CLIC1: variants seen among roughly 807,000 people sequenced by gnomAD.
The protein encoded by CLIC1 is chloride intracellular channel protein 1.
A neutral mutation model predicts 26.4 loss-of-function variants in CLIC1; 16 were observed. The observed-to-expected ratio is 0.61, with a 90% CI of 0.41 to 0.92. The LOEUF (loss-of-function observed/expected upper bound fraction) is 0.92. Ranked by LOEUF, CLIC1 falls within the 40% of genes least tolerant of loss-of-function variation. CLIC1 has a pLI of 0.00. For missense variants in CLIC1, 225 were observed against 289.7 expected (o/e 0.78, Z 1.62); for synonymous variants, 98 against 120.8 (o/e 0.81, Z 1.24).
At chr6:31,735,579 C>T (rs766316499) in intron 1 of CLIC1, among the ~76,000 whole-genome samples, 4 of 152,056 alleles carry the variant, frequency 2.6e-5, no homozygotes, top group Non-Finnish European at 4.4e-5. Context: ...CTCTCTCCCA[C>T]CCATCCTTGT....
chr6:31,731,796 G>A (rs17201046), intron 5 of CLIC1, among the ~76,000 whole-genome samples: 4,115 of 152,272 alleles, frequency 0.027, 155 homozygotes, highest in Non-Finnish European at 0.028. Flanking sequence ...ATAGCTTTGA[G>A]ACTATGACAA....
chr6:31,732,946 ACC>A lies in CLIC1; in HGVS notation c.383-550_383-549del, dbSNP rs1405040198. Among the ~76,000 whole-genome samples, 11 of 151,500 alleles carry A rather than the reference ACC, an allele frequency of 7.3e-5. No homozygotes were observed. The highest frequency in any genetic ancestry group is 2.7e-4 in the African/African-American group (11 of 41,332). On this transcript the variant is annotated intron_variant, in intron 4 of 5. Coordinates refer to ENST00000375784, the Ensembl canonical transcript of CLIC1. This position sits in a 1 kb window ranked among gnomAD's most constrained non-coding sequence, Gnocchi z 5.0. ...AGACCAGCCTGGCCAACATGGTGAA[ACC>A]CTGTCTCTACTAAAAATACAAAAAT...
intron 5 of CLIC1, among the ~76,000 whole-genome samples, chr6:31,731,939 G>C (rs1807989111): frequency 6.6e-6 from 1 of 152,216 alleles, no homozygotes; most frequent in Non-Finnish European, 1.5e-5. Flanking sequence ...TACCGAGACA[G>C]GAAGAGCATT....
chr6:31,734,229 G>A lies in CLIC1; in HGVS notation c.74C>T (p.Pro25Leu). Reference sequence around the variant, plus strand: ...TACCATGAACAGTCTCTGGGAGAATGGGCAGTTCCCAATCTTGGCCCCATC... The same window carrying A: ...TACCATGAACAGTCTCTGGGAGAATAGGCAGTTCCCAATCTTGGCCCCATC... The change falls in exon 2 of 6, where the codon CCA (proline) becomes CTA (leucine). Residue 25 changes from proline (P) to leucine (L), a missense_variant. Pro to Leu is a moderately conservative substitution (Grantham distance 98, BLOSUM62 -3). Transcript: ENST00000375784. This position sits in a 1 kb window ranked among gnomAD's most constrained non-coding sequence, Gnocchi z 5.3. The A allele has an allele frequency of 6.2e-7, 1 of 1,614,170 alleles. No individual in the cohort carries two copies. Among genetic ancestry groups the A allele is most frequent in the Non-Finnish European group, 8.5e-7 (1 of 1,180,020 alleles).
chr6:31,730,921 C>G lies in CLIC1; in HGVS notation c.647G>C (p.Arg216Pro), dbSNP rs753719763. ...TGGACAGGTGGAAGCGAATTCTTCC[C>G]GGGCGTAGGCATTGCTCAAGTACCG... Residue 216 changes from arginine to proline, a missense_variant, in exon 6 of 6, where the codon CGG (arginine) becomes CCG (proline). Physicochemically the swap from Arg to Pro is moderately radical, Grantham distance 103. Coordinates refer to ENST00000375784, the Ensembl canonical transcript of CLIC1. The surrounding 1 kb of genome is among the most constrained non-coding windows in gnomAD (Gnocchi z 5.1). The G allele has an allele frequency of 6.2e-7, 1 of 1,613,080 alleles. No individual in the cohort carries two copies. The highest frequency in any genetic ancestry group is 8.5e-7 in the Non-Finnish European group (1 of 1,180,030).
rs746652133 is a variant in CLIC1, at chr6:31,733,927, C to A, written c.184G>T (p.Gly62Trp). The A allele has an allele frequency of 1.2e-6, 2 of 1,613,920 alleles. No individual in the cohort carries two copies. Among genetic ancestry groups the A allele is most frequent in the Non-Finnish European group, 1.7e-6 (2 of 1,179,988 alleles). The change falls in exon 3 of 6, where the codon GGG becomes TGG. Residue 62 changes from glycine (G) to tryptophan (W), a missense_variant. Gly to Trp is a radical substitution (Grantham distance 184, BLOSUM62 -2). Coordinates refer to ENST00000375784, the Ensembl canonical transcript of CLIC1. This position sits in a 1 kb window ranked among gnomAD's most constrained non-coding sequence, Gnocchi z 5.4. ...CCATACAGCAGGAATGGGAGCTGCC[C>A]CCCTGGGCACAGCTTCTGCACTGTC...
At position 31,734,887 on chromosome 6, in the gene CLIC1, G is replaced by C. The variant is rs919893917; in HGVS notation, c.40-624C>G. 1.3e-5 allele frequency among the ~76,000 whole-genome samples: 2 copies of C among 152,056 alleles called. No individual in the cohort carries two copies. Among genetic ancestry groups the C allele is most frequent in the African/African-American group, 4.8e-5 (2 of 41,384 alleles). On this transcript the variant is annotated intron_variant, in intron 1 of 5. Coordinates refer to ENST00000375784, the Ensembl canonical transcript of CLIC1. The surrounding 1 kb of genome is among the most constrained non-coding windows in gnomAD (Gnocchi z 5.3). ...CTTCCTGTCAAGGATGTGGGGGAAG[G>C]GACAGTGAGGATGAGGCCTGGGCAG...
chr6:31,736,277 G>A lies in CLIC1; in HGVS notation c.24C>T (p.Val8=), dbSNP rs1243806922. The change falls in exon 1 of 6, where the codon GTC becomes GTT. Residue 8 remains valine (V), a synonymous_variant. Transcript: ENST00000375784. This position sits in a 1 kb window ranked among gnomAD's most constrained non-coding sequence, Gnocchi z 5.0. Reference sequence around the variant, plus strand: ...GTGTTCTTACCTTCACGAACAATTCGACCTGCGGTTGTTCTTCAGCCATGG... The same window carrying A: ...GTGTTCTTACCTTCACGAACAATTCAACCTGCGGTTGTTCTTCAGCCATGG... 8.7e-6 allele frequency: 14 copies of A among 1,612,436 alleles called. No homozygotes were observed. The highest frequency in any genetic ancestry group is 1.2e-5 in the Non-Finnish European group (14 of 1,179,830).
chr6:31,735,285 G>T lies in CLIC1; in HGVS notation c.39+977C>A, dbSNP rs556552444. On this transcript the variant is annotated intron_variant, in intron 1 of 5. Transcript: ENST00000375784. ...CAACGGAGAGACACAAACGGAGCGGGGAGAAGAGGACACTGTTAAGGAAGG... is the reference window on the plus strand; with the variant it reads ...CAACGGAGAGACACAAACGGAGCGGTGAGAAGAGGACACTGTTAAGGAAGG... 3.2e-3 allele frequency among the ~76,000 whole-genome samples: 479 copies of T among 151,978 alleles called. 2 individuals are homozygous for T. Among genetic ancestry groups the T allele is most frequent in the African/African-American group, 9.7e-3 (400 of 41,420 alleles).
At chr6:31,736,587 G>A (rs1808350177), upstream of CLIC1, 3 of 1,320,512 alleles carry the variant, frequency 2.3e-6, no homozygotes, top group South Asian at 6.1e-5. This position sits in a 1 kb window ranked among gnomAD's most constrained non-coding sequence, Gnocchi z 5.0. Context: ...CTGGAGGGGG[G>A]CGGGACTCGA....
Position 31,732,531 on chromosome 6 carries a change from G to T in CLIC1, c.383-133C>A. On this transcript the variant is annotated intron_variant, in intron 4 of 5. Coordinates refer to ENST00000375784, the Ensembl canonical transcript of CLIC1. This position sits in a 1 kb window ranked among gnomAD's most constrained non-coding sequence, Gnocchi z 5.0. ...CACTCATGTAGTTACTTTTCTATGT[G>T]TTATTCTAAGCACTTTACATTTTAT... 1 of 530,672 alleles carries T rather than the reference G, an allele frequency of 1.9e-6. No homozygotes were observed. Among genetic ancestry groups the T allele is most frequent in the Non-Finnish European group, 3.1e-6 (1 of 326,390 alleles). The allele number at this position is 530,672 out of a possible 1,614,324, so 32.9% of individuals were successfully genotyped here. A position where few individuals can be genotyped will look rare whatever the true frequency, so the allele number is the denominator to read the frequency against.
At chr6:31,736,845 G>A (rs964748461), upstream of CLIC1, 1 of 986,514 alleles carries the variant, frequency 1.0e-6, no homozygotes, top group African/African-American at 1.7e-5. The surrounding 1 kb of genome is among the most constrained non-coding windows in gnomAD (Gnocchi z 5.0). Flanking sequence ...CAAATGGAAA[G>A]GTGGTCGTTT....
In CLIC1 at chr6:31,730,769, TG is replaced by T; in HGVS notation, c.*72del. The T allele has an allele frequency of 3.3e-6, 5 of 1,524,786 alleles. No individual in the cohort carries two copies. Among genetic ancestry groups the T allele is most frequent in the Non-Finnish European group, 4.5e-6 (5 of 1,108,130 alleles). The allele number at this position is 1,524,786 out of a possible 1,614,324, so 94.5% of individuals were successfully genotyped here. ...ACTGGCCATTTTGGAGTGTGTCCAT[TG>T]GGTAGCAATGTGGAAACCACCAGGG... On this transcript the variant is annotated 3_prime_UTR_variant, in exon 6 of 6. Coordinates refer to ENST00000375784, the Ensembl canonical transcript of CLIC1. This position sits in a 1 kb window ranked among gnomAD's most constrained non-coding sequence, Gnocchi z 5.1.
In CLIC1 at chr6:31,732,071, G is replaced by A. The variant is rs1049514185; in HGVS notation, c.564+146C>T. ...TAGCAATGACTGCTGCAAAGGACTG[G>A]GGTGGGGTCTGCCATTGGTAGCAAT... On this transcript the variant is annotated intron_variant, in intron 5 of 5. Transcript: ENST00000375784. The surrounding 1 kb of genome is among the most constrained non-coding windows in gnomAD (Gnocchi z 5.0). 4 of 506,750 alleles carry A rather than the reference G, an allele frequency of 7.9e-6. No homozygotes were observed. In the South Asian group the frequency reaches 1.8e-4, roughly 23 times the overall value. 31.4% of individuals were successfully genotyped at this position (506,750 alleles called of 1,614,324 possible).
rs932474173 is a variant in CLIC1 at position 31,732,928 on chromosome 6, C to T, written c.383-530G>A. On this transcript the variant is annotated intron_variant, in intron 4 of 5. Coordinates refer to ENST00000375784, the Ensembl canonical transcript of CLIC1. The surrounding 1 kb of genome is among the most constrained non-coding windows in gnomAD (Gnocchi z 5.0). ...CCTGAGGTCGGGAGTTCAAGACCAG[C>T]CTGGCCAACATGGTGAAACCCTGTC... Among the ~76,000 whole-genome samples, 2 of 151,614 alleles carry T rather than the reference C, an allele frequency of 1.3e-5. No homozygotes were observed. Among genetic ancestry groups the T allele is most frequent in the African/African-American group, 4.8e-5 (2 of 41,278 alleles).
At position 31,734,749 on chromosome 6, in the gene CLIC1, G is replaced by C. The variant is rs1040945972; in HGVS notation, c.40-486C>G. ...GGGCCCTGGGCCTCGCGCTAGAGAT[G>C]TGGAGGGCCCTACAGAGAGGGGCTG... On this transcript the variant is annotated intron_variant, in intron 1 of 5. Coordinates refer to ENST00000375784, the Ensembl canonical transcript of CLIC1. This position sits in a 1 kb window ranked among gnomAD's most constrained non-coding sequence, Gnocchi z 5.3. 2.6e-5 allele frequency among the ~76,000 whole-genome samples: 4 copies of C among 152,166 alleles called. No homozygotes were observed. The highest frequency in any genetic ancestry group is 5.9e-5 in the Non-Finnish European group (4 of 68,022).
rs2151315604 is a variant in CLIC1 at position 31,732,254 on chromosome 6, G to A, written c.527C>T (p.Ala176Val). ...TAACTTTGGCAACAGGTTGCAGTCA[G>A]CCAGGGTGAGCTCGTTGCCATCCAA... Residue 176 changes from alanine (A) to valine (V), a missense_variant, in exon 5 of 6, where the codon GCT becomes GTT. Ala to Val is a moderately conservative substitution (Grantham distance 64). Transcript: ENST00000375784. This position sits in a 1 kb window ranked among gnomAD's most constrained non-coding sequence, Gnocchi z 5.0. The A allele has an allele frequency of 6.3e-7, 1 of 1,584,106 alleles. No homozygotes were observed. Among genetic ancestry groups the A allele is most frequent in the Non-Finnish European group, 8.6e-7 (1 of 1,165,724 alleles).
chr6:31,734,056 G>A lies in CLIC1; in HGVS notation c.150-95C>T. 3 of 1,588,394 alleles carry A rather than the reference G, an allele frequency of 1.9e-6. No homozygotes were observed. Among genetic ancestry groups the A allele is most frequent in the Non-Finnish European group, 2.6e-6 (3 of 1,159,124 alleles). On this transcript the variant is annotated intron_variant, in intron 2 of 5. Transcript: ENST00000375784. This position sits in a 1 kb window ranked among gnomAD's most constrained non-coding sequence, Gnocchi z 5.3. The stretch of plus-strand genomic sequence containing the variant: ...CGTGGGATAAGAAAGGGACTCCAGG[G>A]GGAGGGCAAAAATGTTCATGACAGA...
At position 31,734,095 on chromosome 6, in the gene CLIC1, G is replaced by A; in HGVS notation, c.149+59C>T. ...GTTCATGACAGAAGGACTCGGGTGG[G>A]TGTGTGTTTGCACACATGTGTACAC... On this transcript the variant is annotated intron_variant, in intron 2 of 5. Transcript: ENST00000375784. The surrounding 1 kb of genome is among the most constrained non-coding windows in gnomAD (Gnocchi z 5.3). 3 of 1,575,520 alleles carry A rather than the reference G, an allele frequency of 1.9e-6. No homozygotes were observed. The highest frequency in any genetic ancestry group is 4.5e-5 in the East Asian group (2 of 44,660).
Sources: gnomAD v4.1 joint callset for allele counts (sites outside exome capture counted in the v4.1 genomes callset) on GRCh38, gnomAD v4.1.1 for gene constraint, Gnocchi (gnomAD v3.1) non-coding constraint, MANE v1.5 for transcripts, NCBI Gene and HGNC (gene_info 2026-07-23, HGNC 2026-07-21) for gene names.